IKZF2: variants seen among roughly 807,000 people sequenced by gnomAD.
The protein encoded by IKZF2 is IKAROS family zinc finger 2.
IKZF2 carries 15 observed loss-of-function variants against 49.2 expected under a neutral mutation model. The ratio of observed to expected loss-of-function variants is 0.30; its 90% confidence interval spans 0.20 to 0.47. The LOEUF is 0.47. Among genes scored for constraint, IKZF2 ranks in the 20% least tolerant of loss-of-function variants. IKZF2 has a pLI of 1.00. For missense variants in IKZF2, 567 were observed against 664.6 expected, an observed-to-expected ratio of 0.85 and a Z score of 1.61; for synonymous variants, 227 against 221.4, an observed-to-expected ratio of 1.03 and a Z score of -0.23.
intron 4 of IKZF2, among the ~76,000 whole-genome samples, chr2:213,095,572 C>T (rs1705878332): frequency 6.6e-6 from 1 of 151,888 alleles, no homozygotes; most frequent in Non-Finnish European, 1.5e-5. Context: ...AATTTAAAAC[C>T]ATGCATATGT....
intron 4 of IKZF2, among the ~76,000 whole-genome samples, chr2:213,096,105 A>T (rs1019939692): frequency 6.6e-6 from 1 of 151,848 alleles, no homozygotes; most frequent in African/African-American, 2.4e-5. Context: ...TCTCAAAAAA[A>T]TAGCACCCAT....
chr2:213,028,881 C>A (rs1698109964), intron 6 of IKZF2, among the ~76,000 whole-genome samples: 3 of 152,010 alleles, frequency 2.0e-5, no homozygotes, highest in African/African-American at 4.8e-5. Context: ...TATGTGAAAG[C>A]TGAATTATGT....
At chr2:213,115,437 G>C (rs1271089590) in intron 4 of IKZF2, among the ~76,000 whole-genome samples, 2 of 152,158 alleles carry the variant, frequency 1.3e-5, no homozygotes, top group Admixed American at 1.3e-4. Context: ...CTGCCACCCT[G>C]GGAAAATGTC....
chr2:213,043,881 G>A (rs945314273), intron 6 of IKZF2, among the ~76,000 whole-genome samples: 1 of 152,236 alleles, frequency 6.6e-6, no homozygotes, highest in Admixed American at 6.5e-5. Context: ...CCAGGAGGTT[G>A]AGGACCCCTG....
rs574986207 is a variant in IKZF2, at chr2:213,144,615, T to C, written c.139+3093A>G. 5.9e-5 allele frequency among the ~76,000 whole-genome samples: 9 copies of C among 152,062 alleles called. No homozygotes were observed. In the South Asian group the frequency reaches 1.2e-3, roughly 21 times the overall value. The stretch of plus-strand genomic sequence containing the variant: ...TCTCAGATTCTTAAGTCCCAGATTC[T>C]ATTTTTAAAAATCACTTAACACTGT... On this transcript the variant is annotated intron_variant, in intron 4 of 8. Coordinates refer to ENST00000434687, the MANE Select transcript of IKZF2 (RefSeq NM_001387220.1).
At chr2:213,071,536 G>C (rs1490171706) in intron 4 of IKZF2, among the ~76,000 whole-genome samples, 1 of 151,998 alleles carries the variant, frequency 6.6e-6, no homozygotes, top group African/African-American at 2.4e-5. Flanking sequence ...AAGCACTAAA[G>C]ATACAGTAAC....
chr2:213,092,924 G>A (rs1705518557), intron 4 of IKZF2, among the ~76,000 whole-genome samples: 1 of 152,118 alleles, frequency 6.6e-6, no homozygotes, highest in South Asian at 2.1e-4. Flanking sequence ...GACATCTTGT[G>A]TAAACTGATC....
At chr2:213,026,173 A>G (rs1489177021) in intron 6 of IKZF2, among the ~76,000 whole-genome samples, 2 of 152,084 alleles carry the variant, frequency 1.3e-5, no homozygotes, top group East Asian at 3.8e-4. Context: ...CTTTACACCT[A>G]CACTTCTGAG....
intron 6 of IKZF2, among the ~76,000 whole-genome samples, chr2:213,026,470 C>T (rs1037488350): frequency 3.3e-5 from 5 of 152,042 alleles, no homozygotes; most frequent in Admixed American, 6.6e-5. Flanking sequence ...TTGTAACTTC[C>T]GAAGAGTTTA....
intron 6 of IKZF2, among the ~76,000 whole-genome samples, chr2:213,031,671 A>G (rs1253380630): frequency 6.6e-6 from 1 of 152,204 alleles, no homozygotes; most frequent in Admixed American, 6.5e-5. Flanking sequence ...ACATTGTAAC[A>G]TATTTTGGCA....
intron 4 of IKZF2, among the ~76,000 whole-genome samples, chr2:213,087,030 A>G (rs1704698054): frequency 6.6e-6 from 1 of 152,072 alleles, no homozygotes; most frequent in Non-Finnish European, 1.5e-5. Flanking sequence ...ATATATATTT[A>G]CTCTATTCTG....
chr2:213,033,287 C>T (rs1698668188), intron 6 of IKZF2, among the ~76,000 whole-genome samples: 1 of 152,220 alleles, frequency 6.6e-6, no homozygotes, highest in Non-Finnish European at 1.5e-5. Context: ...GAAAGTCATC[C>T]ATGAGGTTGA....
chr2:213,107,529 C>T (rs958729208), intron 4 of IKZF2, among the ~76,000 whole-genome samples: 6 of 152,226 alleles, frequency 3.9e-5, no homozygotes, highest in East Asian at 1.9e-4. Flanking sequence ...TCATCTGTAG[C>T]GAGAACCTGA....
chr2:213,064,521 C>T (rs1447771411), intron 4 of IKZF2, among the ~76,000 whole-genome samples: 1 of 151,976 alleles, frequency 6.6e-6, no homozygotes, highest in African/African-American at 2.4e-5. Flanking sequence ...AAAATACACA[C>T]CTTTATTAGC....
At chr2:213,065,194 GC>G (rs1165833626) in intron 4 of IKZF2, among the ~76,000 whole-genome samples, 2 of 151,928 alleles carry the variant, frequency 1.3e-5, no homozygotes, top group African/African-American at 4.8e-5. Context: ...ATAAAAATTA[GC>G]ACATCATTAA....
At chr2:213,109,981 CAATA>C (rs1194797473) in intron 4 of IKZF2, among the ~76,000 whole-genome samples, 1 of 151,836 alleles carries the variant, frequency 6.6e-6, no homozygotes, top group Non-Finnish European at 1.5e-5. Context: ...TAAATATACA[CAATA>C]AATAAAACCA....
intron 6 of IKZF2, among the ~76,000 whole-genome samples, chr2:213,037,386 A>G (rs1699133079): frequency 6.6e-6 from 1 of 152,236 alleles, no homozygotes; most frequent in African/African-American, 2.4e-5. Context: ...ACAATTCATA[A>G]AAGATGTGAT....
At chr2:213,069,620 G>A (rs7604993) in intron 4 of IKZF2, among the ~76,000 whole-genome samples, 3,324 of 152,144 alleles carry the variant, frequency 0.022, 128 homozygotes, top group African/African-American at 0.076. Flanking sequence ...ACTTCTCACT[G>A]CTTTAAAATG....
intron 4 of IKZF2, among the ~76,000 whole-genome samples, chr2:213,110,232 T>C (rs1236983170): frequency 6.6e-6 from 1 of 152,006 alleles, no homozygotes; most frequent in Non-Finnish European, 1.5e-5. Context: ...GATATTTGAA[T>C]GGTTCAAAAA....
Sources: gnomAD v4.1 joint callset for allele counts (sites outside exome capture counted in the v4.1 genomes callset) on GRCh38, gnomAD v4.1.1 for gene constraint, MANE v1.5 for transcripts, NCBI Gene and HGNC (gene_info 2026-07-23, HGNC 2026-07-21) for gene names.